The following SLC35D4 variants were observed in gnomAD, a reference collection of about 807,000 sequenced individuals.
SLC35D4 encodes the protein UDP-N-acetylglucosamine transporter SLC35D4.
chr18:23,313,383 A>G, the SLC35D4 span, among the ~76,000 whole-genome samples: 1 of 152,002 alleles, frequency 6.6e-6, no homozygotes, highest in African/African-American at 2.4e-5. Context: ...AAGGGGTAAA[A>G]TAGGGAAAAG....
At chr18:23,269,629 T>G in the SLC35D4 span, among the ~76,000 whole-genome samples, 1 of 152,164 alleles carries the variant, frequency 6.6e-6, no homozygotes, top group African/African-American at 2.4e-5. Flanking sequence ...GACAGGAAGA[T>G]GTGGGAATGT....
the SLC35D4 span, among the ~76,000 whole-genome samples, chr18:23,284,638 C>G: frequency 1.3e-5 from 2 of 152,324 alleles, no homozygotes; most frequent in East Asian, 3.9e-4. Context: ...TCTCAGGACC[C>G]CTTGAGGCTG....
the SLC35D4 span, among the ~76,000 whole-genome samples, chr18:23,362,809 T>C: frequency 6.6e-6 from 1 of 152,338 alleles, no homozygotes; most frequent in East Asian, 1.9e-4. Flanking sequence ...TGTATTAGGA[T>C]GATGCATAAG....
At chr18:23,396,261 C>T in the SLC35D4 span, among the ~76,000 whole-genome samples, 1 of 152,078 alleles carries the variant, frequency 6.6e-6, no homozygotes, top group African/African-American at 2.4e-5. Flanking sequence ...GCAGAGCTAC[C>T]CCGAAAGTGT....
chr18:23,307,803 C>G, the SLC35D4 span, among the ~76,000 whole-genome samples: 640 of 152,274 alleles, frequency 4.2e-3, 5 homozygotes, highest in African/African-American at 0.015. Flanking sequence ...ACCATCACAA[C>G]GGCCACACCT....
At chr18:23,399,824 AG>A in the SLC35D4 span, among the ~76,000 whole-genome samples, 1 of 152,222 alleles carries the variant, frequency 6.6e-6, no homozygotes, top group Non-Finnish European at 1.5e-5. Context: ...AGGCAGATAA[AG>A]CCATCCTACC....
the SLC35D4 span, among the ~76,000 whole-genome samples, chr18:23,289,389 C>G: frequency 6.6e-6 from 1 of 152,180 alleles, no homozygotes; most frequent in African/African-American, 2.4e-5. Context: ...TCAATTCATA[C>G]AAAACCATAT....
chr18:23,346,394 A>G, the SLC35D4 span, among the ~76,000 whole-genome samples: 1 of 152,208 alleles, frequency 6.6e-6, no homozygotes, highest in African/African-American at 2.4e-5. Context: ...TGCGAGGATT[A>G]TAGGCATGAG....
chr18:23,413,821 G>A, the SLC35D4 span, among the ~76,000 whole-genome samples: 5 of 151,994 alleles, frequency 3.3e-5, no homozygotes, highest in Admixed American at 3.3e-4. Context: ...ATGCACGCCT[G>A]TAGCCCCAGC....
the SLC35D4 span, among the ~76,000 whole-genome samples, chr18:23,263,021 T>C: frequency 3.3e-5 from 5 of 152,250 alleles, no homozygotes; most frequent in Non-Finnish European, 1.5e-5. Context: ...GCAGATATCA[T>C]GCGCCAGCCC....
the SLC35D4 span, among the ~76,000 whole-genome samples, chr18:23,364,930 A>AAAG: frequency 0.059 from 101 of 1,718 alleles, 44 homozygotes; most frequent in Non-Finnish European, 0.17. Context: ...AAAAAAAAAA[A>AAAG]AAAGGACTCC....
At chr18:23,429,191 T>C in the SLC35D4 span, among the ~76,000 whole-genome samples, 1 of 152,194 alleles carries the variant, frequency 6.6e-6, no homozygotes, top group African/African-American at 2.4e-5. Flanking sequence ...AAGAATTTAT[T>C]TTCCTCGAGT....
At chr18:23,383,641 G>A in the SLC35D4 span, among the ~76,000 whole-genome samples, 3 of 152,044 alleles carry the variant, frequency 2.0e-5, no homozygotes, top group Admixed American at 6.6e-5. Context: ...GGAGGTGCAC[G>A]GGCAAGGCAG....
the SLC35D4 span, chr18:23,309,698 G>A: frequency 6.2e-7 from 1 of 1,614,108 alleles, no homozygotes. Context: ...GGTTGCACTG[G>A]TCAGGATCGC....
the SLC35D4 span, among the ~76,000 whole-genome samples, chr18:23,384,819 T>C: frequency 6.6e-6 from 1 of 152,222 alleles, no homozygotes; most frequent in Non-Finnish European, 1.5e-5. Context: ...GTCTGGTGAA[T>C]TGCAGCAAAG....
At chr18:23,387,358 T>C in the SLC35D4 span, among the ~76,000 whole-genome samples, 1 of 152,180 alleles carries the variant, frequency 6.6e-6, no homozygotes, top group African/African-American at 2.4e-5. Context: ...TTTCCTCCCC[T>C]GTAAAGCAGG....
At chr18:23,364,933 A>AAAAT in the SLC35D4 span, among the ~76,000 whole-genome samples, 424 of 15,628 alleles carry the variant, frequency 0.027, 161 homozygotes, top group African/African-American at 0.055. Flanking sequence ...AAAAAAAAAA[A>AAAAT]GGACTCCTTT....
chr18:23,340,116 A>G, the SLC35D4 span, among the ~76,000 whole-genome samples: 1 of 152,104 alleles, frequency 6.6e-6, no homozygotes, highest in South Asian at 2.1e-4. Context: ...GGACATCTCT[A>G]GTATCACCCA....
At chr18:23,428,537 A>G in the SLC35D4 span, among the ~76,000 whole-genome samples, 1 of 152,170 alleles carries the variant, frequency 6.6e-6, no homozygotes, top group African/African-American at 2.4e-5. Context: ...TATGTTTTTT[A>G]GACAGGATCT....
Sources: allele counts gnomAD v4.1 joint callset (sites outside exome capture counted in the v4.1 genomes callset), GRCh38; gene constraint gnomAD v4.1.1; transcripts MANE v1.5; gene names NCBI Gene and HGNC (gene_info 2026-07-23, HGNC 2026-07-21).